R3HCC1: variants seen among roughly 807,000 people sequenced by gnomAD.
R3HCC1 encodes R3H domain and coiled-coil containing 1.
In R3HCC1, 32 loss-of-function variants were observed where a neutral mutation model predicts 40.0. The observed-to-expected ratio is 0.80, with a 90% CI of 0.60 to 1.07. The LOEUF is 1.07. Ranked by LOEUF, R3HCC1 falls within the 50% of genes least tolerant of loss-of-function variation. R3HCC1 has a pLI of 0.00. For missense variants in R3HCC1, 586 were observed against 563.3 expected (o/e 1.04, Z -0.41); for synonymous variants, 237 against 232.8 (o/e 1.02, Z -0.17).
intron 6 of R3HCC1, among the ~76,000 whole-genome samples, chr8:23,293,640 C>T (rs188849157): frequency 1.1e-4 from 17 of 152,268 alleles, no homozygotes; most frequent in Admixed American, 8.5e-4. Flanking sequence ...TGAGGAAGGT[C>T]GTGAGCCAAG....
Position 23,290,185 on chromosome 8 carries a change from C to G in R3HCC1, c.568C>G (p.Gln190Glu). The G allele has an allele frequency of 6.4e-7, 1 of 1,551,730 alleles. No individual in the cohort carries two copies. Among genetic ancestry groups the G allele is most frequent in the African/African-American group, 1.4e-5 (1 of 73,172 alleles). ...TCAGGGACTCCCTGTGCTGATGACT[C>G]AGGGAACAGAGGACCTAAAGGGCCC... Residue 190 changes from glutamine to glutamate, a missense_variant, in exon 4 of 8, where the codon CAG becomes GAG. Transcript: ENST00000265806.
intron 6 of R3HCC1, 146 bp from the exon 7 acceptor site, chr8:23,294,621 GTC>G: frequency 3.1e-6 from 2 of 643,472 alleles, no homozygotes; most frequent in Non-Finnish European, 5.5e-6. Context: ...GGCGGCAGTC[GTC>G]TCTTGCCCAT....
At chr8:23,291,645 C>A in intron 5 of R3HCC1, 112 bp downstream of exon 5, 3 of 1,472,420 alleles carry the variant, frequency 2.0e-6, no homozygotes, top group Non-Finnish European at 2.7e-6. Context: ...GCAAGAGAGA[C>A]AGAAAGTGGG....
intron 7 of R3HCC1, 90 bp from the exon 8 acceptor site, chr8:23,295,877 G>C (rs1803002027): frequency 6.9e-7 from 1 of 1,447,408 alleles, no homozygotes; most frequent in Non-Finnish European, 9.2e-7. Flanking sequence ...TGAGAGGCTG[G>C]CTCTGATGGC....
At position 23,293,210 on chromosome 8, in the gene R3HCC1, C is replaced by T. The variant is rs982941230; in HGVS notation, c.1026-93C>T. 168 of 1,003,864 alleles carry T rather than the reference C, an allele frequency of 1.7e-4. No homozygotes were observed. The Admixed American group carries it at 2.8e-3, about 17-fold the overall frequency. The allele number at this position is 1,003,864 out of a possible 1,614,324, so 62.2% of individuals were successfully genotyped here. A position where few individuals can be genotyped will look rare whatever the true frequency, so the allele number is the denominator to read the frequency against. On this transcript the variant is annotated intron_variant, in intron 5 of 7. Transcript: ENST00000265806. ...CCTTGCCTCAGGCTGGTGGCATCTGCGGGCTGGAGGCGAGGGGGTGTGGCT... is the reference window on the plus strand; with the variant it reads ...CCTTGCCTCAGGCTGGTGGCATCTGTGGGCTGGAGGCGAGGGGGTGTGGCT...
intron 4 of R3HCC1, 41 bp from the exon 5 acceptor site, chr8:23,291,320 C>T (rs1271506644): frequency 1.5e-5 from 23 of 1,533,454 alleles, no homozygotes; most frequent in Non-Finnish European, 1.9e-5. Context: ...GGGAGCTCTG[C>T]GTGTCCAAGC....
intron 6 of R3HCC1, 69 bp from the exon 7 acceptor site, chr8:23,294,700 C>T (rs755113552): frequency 2.8e-4 from 300 of 1,067,226 alleles, no homozygotes; most frequent in Non-Finnish European, 3.7e-4. Flanking sequence ...TGCAGGGGTT[C>T]GGGGTGGTGG....
chr8:23,295,126 G>C (rs1802974032), intron 7 of R3HCC1, among the ~76,000 whole-genome samples: 2 of 152,124 alleles, frequency 1.3e-5, no homozygotes, highest in Admixed American at 1.3e-4. Context: ...TGTGCAGGGA[G>C]GCTCTCCTGC....
chr8:23,289,717 C>T (rs1249739586), intron 3 of R3HCC1, 149 bp from the exon 4 acceptor site: 3 of 1,193,796 alleles, frequency 2.5e-6, no homozygotes, highest in African/African-American at 3.1e-5. Context: ...ACTGTGATGC[C>T]TTCCTAAGGG....
intron 6 of R3HCC1, among the ~76,000 whole-genome samples, chr8:23,294,049 G>A (rs1407119353): frequency 6.6e-6 from 1 of 152,090 alleles, no homozygotes; most frequent in African/African-American, 2.4e-5. Context: ...ACCCGAGCTG[G>A]GGCCTGGGAG....
Position 23,296,045 on chromosome 8 carries a change from T to TC in R3HCC1, c.1273dup (p.Gln425ProfsTer61). ...CGGCTGGTGGCCCGGGCCCTGGGAC[T>TC]CCAACACAAAAAGAAAGAGCGGCCT... On this transcript the variant is annotated frameshift_variant, in exon 8 of 8. Transcript: ENST00000265806. LOFTEE classifies it high-confidence loss of function. 6.4e-7 allele frequency: 1 copy of TC among 1,550,582 alleles called. No individual in the cohort carries two copies. Among genetic ancestry groups the TC allele is most frequent in the Non-Finnish European group, 8.7e-7 (1 of 1,146,798 alleles).
chr8:23,289,214 G>A, intron 3 of R3HCC1, 61 bp downstream of exon 3: 1 of 1,519,922 alleles, frequency 6.6e-7, no homozygotes, highest in Non-Finnish European at 8.8e-7. Context: ...CAGCTAGCTG[G>A]TCAGCCTTTG....
In R3HCC1 at chr8:23,288,339, G is replaced by T; in HGVS notation, c.-18-167G>T. On this transcript the variant is annotated intron_variant, in intron 1 of 7. Coordinates refer to ENST00000265806, the MANE Select transcript of R3HCC1 (RefSeq NM_001136108.3). ...CGAGAGCCTTGGGCAGGAGCCAGGA[G>T]ACCCCTTCCCTGACCCCTGACTTGC... 2.7e-6 allele frequency: 3 copies of T among 1,120,134 alleles called. 1 individual carries two copies. The South Asian group carries it at 4.7e-5, about 18-fold the overall frequency. 69.4% of individuals were successfully genotyped at this position (1,120,134 alleles called of 1,614,324 possible).
At position 23,291,551 on chromosome 8, in the gene R3HCC1, A is replaced by T. The variant is rs1802867790; in HGVS notation, c.1025+18A>T. 1 of 1,549,322 alleles carries T rather than the reference A, an allele frequency of 6.5e-7. No homozygotes were observed. Among genetic ancestry groups the T allele is most frequent in the Admixed American group, 2.0e-5 (1 of 50,974 alleles). On this transcript the variant is annotated intron_variant, in intron 5 of 7. Transcript: ENST00000265806. Reference sequence around the variant, plus strand: ...GAGTTCCAGTGAGTGGTGGCTGGGGAGGTGCTGCCTTCAGAGAGGAGCTAA... The same window carrying T: ...GAGTTCCAGTGAGTGGTGGCTGGGGTGGTGCTGCCTTCAGAGAGGAGCTAA...
At chr8:23,288,384 T>C (rs868412534) in intron 1 of R3HCC1, 122 bp from the exon 2 acceptor site, 586 of 1,376,608 alleles carry the variant, frequency 4.3e-4, no homozygotes, top group Middle Eastern at 2.0e-3. Flanking sequence ...CTGGCATCAC[T>C]TCCCCGCCAC....
At chr8:23,294,710 G>C (rs1332651532) in intron 6 of R3HCC1, 59 bp from the exon 7 acceptor site, 3 of 1,313,602 alleles carry the variant, frequency 2.3e-6, no homozygotes, top group African/African-American at 2.9e-5. Flanking sequence ...CGGGGTGGTG[G>C]GTGTGCCGCG....
rs1006144984 is a variant in R3HCC1 at position 23,289,083 on chromosome 8, G to C, written c.178G>C (p.Asp60His). ...GATCCATAGAACAGCAGAGAATTTTGATCTCTTGAGCAGCTTCTCCGTTGG... is the reference window on the plus strand; with the variant it reads ...GATCCATAGAACAGCAGAGAATTTTCATCTCTTGAGCAGCTTCTCCGTTGG... The change falls in exon 3 of 8, where the codon GAT becomes CAT. Residue 60 changes from aspartate to histidine, a missense_variant. Transcript: ENST00000265806. 1 of 1,536,494 alleles carries C rather than the reference G, an allele frequency of 6.5e-7. No homozygotes were observed. Among genetic ancestry groups the C allele is most frequent in the Non-Finnish European group, 8.7e-7 (1 of 1,146,966 alleles).
intron 3 of R3HCC1, 39 bp from the exon 4 acceptor site, chr8:23,289,827 C>T (rs1195302925): frequency 6.8e-7 from 1 of 1,463,524 alleles, no homozygotes; most frequent in East Asian, 2.5e-5. Context: ...CCTTTGGGCC[C>T]CTACACACTC....
In R3HCC1 at chr8:23,288,116, C is replaced by T. The variant is rs1389904503; in HGVS notation, c.-60C>T. 8 of 1,263,702 alleles carry T rather than the reference C, an allele frequency of 6.3e-6. No homozygotes were observed. Among genetic ancestry groups the T allele is most frequent in the South Asian group, 5.1e-5 (4 of 77,848 alleles). The allele number at this position is 1,263,702 out of a possible 1,614,324, so 78.3% of individuals were successfully genotyped here. A position where few individuals can be genotyped will look rare whatever the true frequency, so the allele number is the denominator to read the frequency against. ...CTAGGGCGCTCGGGCGCGCTGGCCC[C>T]TGGGGACGCCGAGGGCGGCTGCGAC... On this transcript the variant is annotated 5_prime_UTR_variant, in exon 1 of 8. Coordinates refer to ENST00000265806, the MANE Select transcript of R3HCC1 (RefSeq NM_001136108.3).
Sources: allele counts gnomAD v4.1 joint callset (sites outside exome capture counted in the v4.1 genomes callset), GRCh38; gene constraint gnomAD v4.1.1; transcripts MANE v1.5; gene names NCBI Gene and HGNC (gene_info 2026-07-23, HGNC 2026-07-21).